Variants in RNF8 observed in about 807,000 individuals in gnomAD.
RNF8 encodes the protein E3 ubiquitin-protein ligase RNF8.
In RNF8, 8 loss-of-function variants were observed where a neutral mutation model predicts 59.3. The observed-to-expected ratio is 0.13, with a 90% CI of 0.08 to 0.24. RNF8 has a LOEUF of 0.24. RNF8 is among the 10% of genes least tolerant of loss of function. The probability of loss-of-function intolerance (pLI) is 1.00; values close to 1 mark genes in which losing one functional copy is unlikely to be tolerated. For missense variants in RNF8, 406 were observed against 572.6 expected (o/e 0.71, Z 2.97); for synonymous variants, 162 against 200.0 (o/e 0.81, Z 1.60).
chr6:37,377,506 GATGACCACCTCTT>G (rs1377865724), intron 6 of RNF8, among the ~76,000 whole-genome samples: 1 of 152,136 alleles, frequency 6.6e-6, no homozygotes, highest in Non-Finnish European at 1.5e-5. Context: ...CACCTCTAGA[GATGACCACCTCTT>G]ATTTGTTTTT....
Position 37,367,397 on chromosome 6 carries a change from T to TTTTTA in RNF8, c.241-1073_241-1069dup, listed in dbSNP as rs1044945434. 2.6e-5 allele frequency among the ~76,000 whole-genome samples: 4 copies of TTTTTA among 152,238 alleles called. No homozygotes were observed. The East Asian group carries it at 7.7e-4, about 29-fold the overall frequency. On this transcript the variant is annotated intron_variant, in intron 2 of 7. Coordinates refer to ENST00000373479, the MANE Select transcript of RNF8 (RefSeq NM_003958.4). ...ACTTCATTAAAACCATAAAAGTAAA[T>TTTTTA]TTTTATTTTATTTTATTTATTTTGG...
At chr6:37,374,216 ATTAC>A (rs1408935562) in intron 4 of RNF8, among the ~76,000 whole-genome samples, 1 of 152,202 alleles carries the variant, frequency 6.6e-6, no homozygotes, top group Non-Finnish European at 1.5e-5. Flanking sequence ...ATAGCTTTTA[ATTAC>A]TTACTAGTTC....
At chr6:37,361,769 G>T (rs2113816161) in intron 2 of RNF8, among the ~76,000 whole-genome samples, 1 of 152,306 alleles carries the variant, frequency 6.6e-6, no homozygotes, top group Non-Finnish European at 1.5e-5. Flanking sequence ...CTAGAATTAA[G>T]TTGAGTTGGC....
At chr6:37,364,313 A>G (rs1769460866) in intron 2 of RNF8, among the ~76,000 whole-genome samples, 1 of 152,050 alleles carries the variant, frequency 6.6e-6, no homozygotes, top group Non-Finnish European at 1.5e-5. Context: ...TAGTCACTTT[A>G]TTGCCAAGGT....
At chr6:37,367,383 A>G (rs917732125) in intron 2 of RNF8, among the ~76,000 whole-genome samples, 5 of 152,220 alleles carry the variant, frequency 3.3e-5, no homozygotes, top group African/African-American at 1.2e-4. Flanking sequence ...CTTCATTAAA[A>G]CCATAAAAGT....
At chr6:37,390,644 T>G in intron 7 of RNF8, 98 bp from the exon 8 acceptor site, 1 of 820,730 alleles carries the variant, frequency 1.2e-6, no homozygotes, top group Non-Finnish European at 2.0e-6. Context: ...ATGGCTGCTG[T>G]GTGAGGAAGA....
intron 6 of RNF8, among the ~76,000 whole-genome samples, chr6:37,379,459 A>G (rs1162613987): frequency 6.6e-6 from 1 of 152,238 alleles, no homozygotes; most frequent in Non-Finnish European, 1.5e-5. Context: ...AAGAGCAGGA[A>G]TGAGCATTTT....
chr6:37,381,033 G>T, intron 6 of RNF8, 117 bp from the exon 7 acceptor site: 1 of 853,738 alleles, frequency 1.2e-6, no homozygotes, highest in Non-Finnish European at 2.0e-6. Context: ...AGATGGGATT[G>T]TTGTTAATTT....
chr6:37,359,850 T>A (rs1769249270), intron 1 of RNF8, among the ~76,000 whole-genome samples: 1 of 152,238 alleles, frequency 6.6e-6, no homozygotes, highest in Non-Finnish European at 1.5e-5. Context: ...GGAATAAAGA[T>A]AAACCAGCAG....
In RNF8 at chr6:37,360,484, G is replaced by T. The variant is rs747409798; in HGVS notation, c.150G>T (p.Leu50=). 11 of 1,613,882 alleles carry T rather than the reference G, an allele frequency of 6.8e-6. No homozygotes were observed. The highest frequency in any genetic ancestry group is 8.5e-6 in the Non-Finnish European group (10 of 1,179,906). ...VGRGFGVTYQ[L]VSKICPLMIS... ...GAGGATTTGGTGTCACATACCAACT[G>T]GTATCAAAAATCTGCCCCCTGATGA... Residue 50 remains leucine (L), a synonymous_variant, in exon 2 of 8, where the codon CTG becomes CTT. Coordinates refer to ENST00000373479, the MANE Select transcript of RNF8 (RefSeq NM_003958.4). This position sits in a 1 kb window ranked among gnomAD's most constrained non-coding sequence, Gnocchi z 4.2.
intron 4 of RNF8, among the ~76,000 whole-genome samples, chr6:37,371,949 C>G (rs1013653096): frequency 1.5e-4 from 23 of 152,290 alleles, no homozygotes; most frequent in African/African-American, 5.5e-4. Context: ...CCGCAATGTT[C>G]CTGAGCTGTA....
chr6:37,374,770 C>T, intron 5 of RNF8, 61 bp downstream of exon 5: 1 of 1,193,734 alleles, frequency 8.4e-7, no homozygotes, highest in Non-Finnish European at 1.2e-6. Context: ...GCATTTTCAA[C>T]AGTGCAAGGG....
chr6:37,385,080 C>G lies in RNF8; in HGVS notation c.1441+3726C>G, dbSNP rs138222069. ...CCAGGCTGGAGTGCAATGGCGCGAT[C>G]TCGGCTTACCACAACCTCCGCCTCC... is the stretch of plus-strand genomic sequence containing the variant. On this transcript the variant is annotated intron_variant, in intron 7 of 7. Transcript: ENST00000373479. Among the ~76,000 whole-genome samples the G allele has an allele frequency of 7.3e-3, 1,112 of 151,714 alleles. 12 individuals carry two copies. Among genetic ancestry groups the G allele is most frequent in the African/African-American group, 0.024 (987 of 41,384 alleles).
In RNF8 at chr6:37,360,469, T is replaced by A. The variant is rs773542663; in HGVS notation, c.135T>A (p.Gly45=). The A allele has an allele frequency of 6.2e-7, 1 of 1,614,024 alleles. No homozygotes were observed. The highest frequency in any genetic ancestry group is 8.5e-7 in the Non-Finnish European group (1 of 1,179,944). The part of the protein sequence containing the change: ...GCEVTVGRGF[G]VTYQLVSKIC... ...AGGTGACTGTAGGACGAGGATTTGGTGTCACATACCAACTGGTATCAAAAA... is the reference window on the plus strand; with the variant it reads ...AGGTGACTGTAGGACGAGGATTTGGAGTCACATACCAACTGGTATCAAAAA... The change falls in exon 2 of 8, where the codon GGT becomes GGA. Residue 45 remains glycine (G), a synonymous_variant. Coordinates refer to ENST00000373479, the MANE Select transcript of RNF8 (RefSeq NM_003958.4). This position sits in a 1 kb window ranked among gnomAD's most constrained non-coding sequence, Gnocchi z 4.2.
In RNF8 at chr6:37,392,826, A is replaced by G. The variant is rs1770763731; in HGVS notation, c.*2068A>G. On this transcript the variant is annotated 3_prime_UTR_variant, in exon 8 of 8. Coordinates refer to ENST00000373479, the MANE Select transcript of RNF8 (RefSeq NM_003958.4). ...TTTAAAAAGAAATACCTTTTTAAAAATTATTTTATTATTTTTTAATAGAGA... is the reference window on the plus strand; with the variant it reads ...TTTAAAAAGAAATACCTTTTTAAAAGTTATTTTATTATTTTTTAATAGAGA... The G allele has an allele frequency of 2.6e-6, 1 of 391,362 alleles. No individual in the cohort carries two copies. Among genetic ancestry groups the G allele is most frequent in the East Asian group, 3.7e-5 (1 of 27,394 alleles). 24.2% of individuals were successfully genotyped at this position (391,362 alleles called of 1,614,324 possible). A position where few individuals can be genotyped will look rare whatever the true frequency, so the allele number is the denominator to read the frequency against.
At chr6:37,388,508 C>G (rs1770599837) in intron 7 of RNF8, among the ~76,000 whole-genome samples, 1 of 152,080 alleles carries the variant, frequency 6.6e-6, no homozygotes, top group Non-Finnish European at 1.5e-5. Flanking sequence ...CTGTTACCGT[C>G]TCTGTGGTAT....
chr6:37,366,297 C>G (rs1484562991), intron 2 of RNF8, among the ~76,000 whole-genome samples: 1 of 152,170 alleles, frequency 6.6e-6, no homozygotes, highest in Admixed American at 6.5e-5. Context: ...CTGTGTCTTA[C>G]TACTTTTTCT....
chr6:37,366,657 T>G (rs1376575921), intron 2 of RNF8, among the ~76,000 whole-genome samples: 1 of 151,816 alleles, frequency 6.6e-6, no homozygotes, highest in African/African-American at 2.4e-5. Context: ...CCCTTTACCC[T>G]CTGTGCCTTG....
At chr6:37,386,821 GAGACACTTC>G (rs1331265770) in intron 7 of RNF8, among the ~76,000 whole-genome samples, 1 of 152,190 alleles carries the variant, frequency 6.6e-6, no homozygotes, top group Non-Finnish European at 1.5e-5. Flanking sequence ...TGTTTAGCAG[GAGACACTTC>G]AGATTGTTCA....
Sources: allele counts gnomAD v4.1 joint callset (sites outside exome capture counted in the v4.1 genomes callset), GRCh38; gene constraint gnomAD v4.1.1; non-coding constraint Gnocchi (gnomAD v3.1); transcripts MANE v1.5; gene names NCBI Gene and HGNC (gene_info 2026-07-23, HGNC 2026-07-21).